Variants in TUSC3 observed in about 807,000 individuals in gnomAD.
TUSC3 encodes the protein dolichyl-diphosphooligosaccharide--protein glycosyltransferase subunit TUSC3.
Under a neutral mutation model 44.8 loss-of-function variants are expected in TUSC3, and 45 were observed. The ratio of observed to expected loss-of-function variants is 1.00; its 90% CI spans 0.79 to 1.29. The LOEUF (loss-of-function observed/expected upper bound fraction) is 1.29. Ranked by LOEUF, TUSC3 falls within the 50% of genes most tolerant of loss-of-function variation. The probability of loss-of-function intolerance (pLI) is 0.00; values close to 1 mark genes in which losing one functional copy is unlikely to be tolerated. For synonymous variants in TUSC3, 212 were observed against 152.9 expected, an observed-to-expected ratio of 1.39 and a Z score of -2.85; for missense variants, 519 against 437.9, an observed-to-expected ratio of 1.19 and a Z score of -1.65.
chr8:15,634,301 C>T (rs1805964207), intron 2 of TUSC3, among the ~76,000 whole-genome samples: 1 of 152,068 alleles, frequency 6.6e-6, no homozygotes. Flanking sequence ...GACTTTGGTT[C>T]CTCCAACTCA....
At chr8:15,554,600 ATTT>A (rs376264004) in intron 1 of TUSC3, among the ~76,000 whole-genome samples, 2 of 111,650 alleles carry the variant, frequency 1.8e-5, no homozygotes, top group Admixed American at 1.0e-4. Flanking sequence ...TTTTACTATA[ATTT>A]TTTTTTTTTT....
chr8:15,732,158 A>G (rs897860110), intron 7 of TUSC3, among the ~76,000 whole-genome samples: 2 of 152,160 alleles, frequency 1.3e-5, no homozygotes, highest in African/African-American at 4.8e-5. Flanking sequence ...ACAGATAATA[A>G]GCATAAATAC....
intron 1 of TUSC3, among the ~76,000 whole-genome samples, chr8:15,429,109 C>A (rs1294712498): frequency 6.6e-6 from 1 of 152,092 alleles, no homozygotes; most frequent in Non-Finnish European, 1.5e-5. Context: ...TTAGGTCTAA[C>A]ATGTAAGTCT....
At chr8:15,842,568 T>C in the TUSC3 span, among the ~76,000 whole-genome samples, 1 of 152,104 alleles carries the variant, frequency 6.6e-6, no homozygotes, top group Admixed American at 6.5e-5. Flanking sequence ...AGCAAAATGA[T>C]GAGGGCAGAT....
chr8:15,499,903 G>A lies in TUSC3; in HGVS notation n.189+16420G>A, dbSNP rs555059048. Among the ~76,000 whole-genome samples the A allele has an allele frequency of 4.6e-5, 7 of 152,158 alleles. No homozygotes were observed. In the South Asian group the frequency reaches 1.2e-3, roughly 27 times the overall value. On this transcript the variant is annotated intron_variant and non_coding_transcript_variant, in intron 2 of 5. Transcript: ENST00000503191. ...ACATACGTACACACACACACATTCT[G>A]TATTCTGTTTCTCTGTAGAACCCAG...
chr8:15,838,696 G>T, the TUSC3 span, among the ~76,000 whole-genome samples: 230 of 152,250 alleles, frequency 1.5e-3, no homozygotes, highest in African/African-American at 5.3e-3. Flanking sequence ...TGAGGGCCCT[G>T]TTCTGTTCCA....
downstream of TUSC3, among the ~76,000 whole-genome samples, chr8:15,766,960 G>A (rs907503407): frequency 5.3e-5 from 8 of 152,110 alleles, no homozygotes; most frequent in African/African-American, 1.9e-4. Context: ...ATTGACGCTT[G>A]AAGACTCAAT....
intron 1 of TUSC3, among the ~76,000 whole-genome samples, chr8:15,596,548 A>G (rs184931167): frequency 9.9e-5 from 15 of 152,268 alleles, no homozygotes; most frequent in Non-Finnish European, 2.1e-4. Flanking sequence ...TACCCTGTGC[A>G]TACTGAGGAA....
chr8:15,767,265 C>T (rs1585318926), downstream of TUSC3, among the ~76,000 whole-genome samples: 1 of 152,122 alleles, frequency 6.6e-6, no homozygotes, highest in East Asian at 1.9e-4. Flanking sequence ...GGTCCAACTA[C>T]TATACAAAGA....
chr8:15,780,454 A>G, the TUSC3 span, among the ~76,000 whole-genome samples: 2 of 152,160 alleles, frequency 1.3e-5, no homozygotes, highest in Non-Finnish European at 2.9e-5. Flanking sequence ...GACCACAGAA[A>G]AAAAAGTGCA....
the TUSC3 span, among the ~76,000 whole-genome samples, chr8:15,819,306 T>A: frequency 3.9e-5 from 6 of 152,328 alleles, no homozygotes; most frequent in East Asian, 9.7e-4. Context: ...TTCTTATACT[T>A]TAATTTTACA....
intron 1 of TUSC3, among the ~76,000 whole-genome samples, chr8:15,480,764 A>G (rs1800647599): frequency 6.6e-6 from 1 of 152,188 alleles, no homozygotes; most frequent in Non-Finnish European, 1.5e-5. Context: ...GATGAGAGCT[A>G]TTAATATAAC....
intron 4 of TUSC3, 68 bp from the exon 5 acceptor site, chr8:15,662,088 C>G: frequency 2.5e-6 from 4 of 1,569,858 alleles, no homozygotes; most frequent in Non-Finnish European, 2.6e-6. Flanking sequence ...ATTATGAGGA[C>G]TAGAATATGA....
At chr8:15,850,814 T>TA in the TUSC3 span, among the ~76,000 whole-genome samples, 2 of 152,198 alleles carry the variant, frequency 1.3e-5, no homozygotes, top group African/African-American at 4.8e-5. Flanking sequence ...GTGAACAACA[T>TA]AAAAGGCCAC....
rs1056168725 is a variant in TUSC3, at chr8:15,697,792, T to C, written c.798+23956T>C. Among the ~76,000 whole-genome samples, 63 of 152,214 alleles carry C rather than the reference T, an allele frequency of 4.1e-4. 2 individuals are homozygous for C. Among genetic ancestry groups the C allele is most frequent in the Admixed American group, 4.1e-3 (62 of 15,282 alleles). ...CTGTTTTTGGAGTAACCTGAGAAAT[T>C]GTTTTAGATTTGTTTTGATTTACGT... On this transcript the variant is annotated intron_variant, in intron 6 of 10. Coordinates refer to ENST00000503731, the MANE Select transcript of TUSC3 (RefSeq NM_006765.4).
chr8:15,806,933 C>A, the TUSC3 span: 1 of 1,440,046 alleles, frequency 6.9e-7, no homozygotes. Context: ...CACCATGTTT[C>A]TTCTCTGACA....
chr8:15,710,260 G>A (rs951799062), intron 6 of TUSC3, among the ~76,000 whole-genome samples: 16 of 151,804 alleles, frequency 1.1e-4, no homozygotes, highest in African/African-American at 3.6e-4. Flanking sequence ...TACCACTTAT[G>A]CTACCTAATT....
chr8:15,824,234 A>G, the TUSC3 span, among the ~76,000 whole-genome samples: 1 of 152,182 alleles, frequency 6.6e-6, no homozygotes, highest in African/African-American at 2.4e-5. Flanking sequence ...TCCGATTATT[A>G]CCTGATGCAT....
the TUSC3 span, among the ~76,000 whole-genome samples, chr8:15,789,339 G>T: frequency 6.6e-6 from 1 of 152,132 alleles, no homozygotes; most frequent in Non-Finnish European, 1.5e-5. Context: ...AGTCTTTACA[G>T]AATGAAATCA....
Sources: gnomAD v4.1 joint callset for allele counts (sites outside exome capture counted in the v4.1 genomes callset) on GRCh38, gnomAD v4.1.1 for gene constraint, MANE v1.5 for transcripts, NCBI Gene and HGNC (gene_info 2026-07-23, HGNC 2026-07-21) for gene names.